Variants in GRM7 observed in about 807,000 individuals in gnomAD.
The protein encoded by GRM7 is glutamate metabotropic receptor 7, also known as metabotropic glutamate receptor 7.
GRM7 carries 35 observed loss-of-function variants against 84.5 expected under a neutral mutation model. The ratio of observed to expected loss-of-function variants is 0.41; its 90% confidence interval spans 0.32 to 0.55. The LOEUF is 0.55. Among genes scored for constraint, GRM7 ranks in the 20% least tolerant of loss-of-function variants. The pLI is 0.19. For synonymous variants in GRM7, 487 were observed against 455.1 expected (o/e 1.07, Z -0.89); for missense variants, 1,003 against 1,194.6 (o/e 0.84, Z 2.36).
intron 5 of GRM7, among the ~76,000 whole-genome samples, chr3:7,427,665 A>C (rs184060845): frequency 2.0e-5 from 3 of 152,316 alleles, no homozygotes; most frequent in African/African-American, 7.2e-5. Flanking sequence ...TGCACAGATG[A>C]TAGTGATCTT....
chr3:7,423,173 A>G (rs978740724), intron 5 of GRM7, among the ~76,000 whole-genome samples: 1 of 152,204 alleles, frequency 6.6e-6, no homozygotes, highest in Non-Finnish European at 1.5e-5. Flanking sequence ...CCTACCATAC[A>G]GCACTTTAAG....
intron 2 of GRM7, among the ~76,000 whole-genome samples, chr3:7,260,539 G>A (rs1316330898): frequency 6.6e-6 from 1 of 152,152 alleles, no homozygotes; most frequent in African/African-American, 2.4e-5. Flanking sequence ...TCTGGGGTCA[G>A]TAGTAACGTC....
At chr3:7,452,828 C>T in intron 6 of GRM7, 21 bp downstream of exon 6, 1 of 1,483,632 alleles carries the variant, frequency 6.7e-7, no homozygotes, top group Non-Finnish European at 9.4e-7. Flanking sequence ...AAAAATCCAT[C>T]CTTTTTGGAA....
intron 2 of GRM7, among the ~76,000 whole-genome samples, chr3:7,232,520 G>T (rs1697225772): frequency 6.6e-6 from 1 of 152,150 alleles, no homozygotes; most frequent in Non-Finnish European, 1.5e-5. Flanking sequence ...TGAGAAATGT[G>T]AAAGAGGGAA....
intron 5 of GRM7, among the ~76,000 whole-genome samples, chr3:7,428,621 C>CT (rs2124843492): frequency 6.6e-6 from 1 of 152,234 alleles, no homozygotes; most frequent in South Asian, 2.1e-4. Context: ...ATTTATAGTC[C>CT]TGTGTGGTCC....
At chr3:7,409,601 T>C (rs1186893962) in intron 4 of GRM7, among the ~76,000 whole-genome samples, 2 of 151,690 alleles carry the variant, frequency 1.3e-5, no homozygotes, top group African/African-American at 2.4e-5. Context: ...TTGTTTTGTT[T>C]TGTTTTGTTT....
chr3:7,473,536 C>T (rs979605995), intron 7 of GRM7, among the ~76,000 whole-genome samples: 4 of 115,282 alleles, frequency 3.5e-5, no homozygotes, highest in Non-Finnish European at 8.2e-5. Context: ...GAGAGAAACA[C>T]CTTGACAGAG....
At chr3:7,368,539 C>T (rs1559271564) in intron 4 of GRM7, among the ~76,000 whole-genome samples, 1 of 152,072 alleles carries the variant, frequency 6.6e-6, no homozygotes, top group Non-Finnish European at 1.5e-5. Flanking sequence ...ATTGCTTTAG[C>T]ATTCACTGTT....
chr3:7,394,105 G>A (rs532670154), intron 4 of GRM7, among the ~76,000 whole-genome samples: 67 of 152,006 alleles, frequency 4.4e-4, no homozygotes, highest in Admixed American at 4.3e-3. Context: ...TAAATAACAC[G>A]CCCAAGTCCA....
intron 9 of GRM7, among the ~76,000 whole-genome samples, chr3:7,725,510 C>T (rs1254151294): frequency 1.3e-5 from 2 of 152,164 alleles, no homozygotes; most frequent in African/African-American, 2.4e-5. Context: ...GGCACACACA[C>T]ACACACAGAA....
chr3:7,298,429 T>C (rs555143820), intron 2 of GRM7: 6 of 350,770 alleles, frequency 1.7e-5, no homozygotes, highest in Middle Eastern at 7.8e-4. Flanking sequence ...AGTAATATCA[T>C]TGGTATTGCT....
chr3:6,955,821 G>A lies in GRM7; in HGVS notation c.519+93914G>A, dbSNP rs1390420615. Among the ~76,000 whole-genome samples, 3 of 140,136 alleles carry A rather than the reference G, an allele frequency of 2.1e-5. No homozygotes were observed. The Admixed American group carries it at 2.2e-4, about 10-fold the overall frequency. The allele number at this position is 140,136 out of a possible 152,430, so 91.9% of individuals were successfully genotyped here. ...CATGCCACTGCACTCCAGATTGGACGACACAGTGAGACTCTATCTCAAAAA... is the reference window on the plus strand; with the variant it reads ...CATGCCACTGCACTCCAGATTGGACAACACAGTGAGACTCTATCTCAAAAA... On this transcript the variant is annotated intron_variant, in intron 1 of 9. Coordinates refer to ENST00000357716, the MANE Select transcript of GRM7 (RefSeq NM_000844.4).
intron 4 of GRM7, among the ~76,000 whole-genome samples, chr3:7,330,724 G>C (rs1701174959): frequency 6.6e-6 from 1 of 152,152 alleles, no homozygotes. Flanking sequence ...CAGCCACGTG[G>C]AACGTGAGTT....
chr3:6,979,592 T>A (rs1053598587), intron 1 of GRM7, among the ~76,000 whole-genome samples: 5 of 152,154 alleles, frequency 3.3e-5, no homozygotes, highest in African/African-American at 1.2e-4. Context: ...CCCATGGAGA[T>A]CACAGAATAA....
chr3:7,075,276 G>A (rs1157829861), intron 1 of GRM7, among the ~76,000 whole-genome samples: 1 of 152,134 alleles, frequency 6.6e-6, no homozygotes, highest in Non-Finnish European at 1.5e-5. Context: ...ACCCAGGGGA[G>A]GATTTGAACA....
chr3:7,604,704 C>T (rs1696478653), intron 8 of GRM7, among the ~76,000 whole-genome samples: 1 of 152,128 alleles, frequency 6.6e-6, no homozygotes, highest in African/African-American at 2.4e-5. Flanking sequence ...ACCAATATTT[C>T]CTATTACGTT....
chr3:7,505,058 AT>A lies in GRM7; in HGVS notation c.1515+43338del, dbSNP rs1700000009. ...ATGGTGGGACAGACACAAGATAAAC[AT>A]TCACATTCCAGGAGAGGGAAAGGAA... On this transcript the variant is annotated intron_variant, in intron 7 of 9. Coordinates refer to ENST00000357716, the MANE Select transcript of GRM7 (RefSeq NM_000844.4). Among the ~76,000 whole-genome samples the A allele has an allele frequency of 2.6e-5, 4 of 152,338 alleles. No individual in the cohort carries two copies. In the South Asian group the frequency reaches 8.3e-4, roughly 32 times the overall value.
At chr3:7,414,595 C>G (rs956691027) in intron 4 of GRM7, among the ~76,000 whole-genome samples, 42 of 152,136 alleles carry the variant, frequency 2.8e-4, no homozygotes, top group Admixed American at 6.5e-5. Context: ...CTCAGTTCAC[C>G]TACAACCTCT....
intron 2 of GRM7, among the ~76,000 whole-genome samples, chr3:7,229,066 C>T (rs1294540723): frequency 6.6e-6 from 1 of 151,766 alleles, no homozygotes; most frequent in African/African-American, 2.4e-5. Context: ...GACTTCAGTG[C>T]TTATTTCTAA....
Sources: gnomAD v4.1 joint callset for allele counts (sites outside exome capture counted in the v4.1 genomes callset) on GRCh38, gnomAD v4.1.1 for gene constraint, MANE v1.5 for transcripts, NCBI Gene and HGNC (gene_info 2026-07-23, HGNC 2026-07-21) for gene names.